GLB1: variants seen among roughly 807,000 people sequenced by gnomAD.
GLB1 encodes beta-galactosidase.
Under a neutral mutation model 74.0 loss-of-function variants are expected in GLB1, and 56 were observed. That is an observed-to-expected ratio of 0.76 (90% CI 0.61 to 0.94). The LOEUF is 0.94. GLB1 is among the 40% of genes least tolerant of loss of function. The probability of loss-of-function intolerance (pLI) is 0.00; values close to 1 mark genes in which losing one functional copy is unlikely to be tolerated. For missense variants in GLB1, 787 were observed against 845.5 expected, an observed-to-expected ratio of 0.93 and a Z score of 0.86; for synonymous variants, 323 against 323.6, an observed-to-expected ratio of 1.00 and a Z score of 0.02.
intron 9 of GLB1, among the ~76,000 whole-genome samples, chr3:33,051,527 C>T (rs1216064728): frequency 2.0e-5 from 3 of 148,724 alleles, no homozygotes; most frequent in Admixed American, 2.0e-4. Flanking sequence ...ATCCCTTGAA[C>T]CTGGGAGGTG....
At position 33,089,556 on chromosome 3, in the gene GLB1, C is replaced by T. The variant is rs544853326; in HGVS notation, c.75+7455G>A. On this transcript the variant is annotated intron_variant, in intron 1 of 15. Transcript: ENST00000307363. ...ATAAACAAAATGTGGCATGAAAATACAAGAGTATTACTGTAGTCCAGCCTT... is the reference window on the plus strand; with the variant it reads ...ATAAACAAAATGTGGCATGAAAATATAAGAGTATTACTGTAGTCCAGCCTT... Among the ~76,000 whole-genome samples, 21 of 152,158 alleles carry T rather than the reference C, an allele frequency of 1.4e-4. No homozygotes were observed. The South Asian group carries it at 4.1e-3, about 30-fold the overall frequency.
downstream of GLB1, among the ~76,000 whole-genome samples, chr3:32,994,277 T>C (rs987007084): frequency 3.3e-5 from 5 of 152,134 alleles, no homozygotes; most frequent in Admixed American, 3.3e-4. Context: ...TGCTACAACA[T>C]GGAACAAACC....
chr3:33,060,919 T>A (rs1371702023), intron 5 of GLB1, among the ~76,000 whole-genome samples: 1 of 152,054 alleles, frequency 6.6e-6, no homozygotes, highest in Non-Finnish European at 1.5e-5. Flanking sequence ...ATCTGGCATC[T>A]AGTAAGTGCT....
the GLB1 span, among the ~76,000 whole-genome samples, chr3:32,977,669 G>A: frequency 6.6e-6 from 1 of 152,170 alleles, no homozygotes; most frequent in Admixed American, 6.5e-5. Flanking sequence ...TTGGTACCAT[G>A]AATATGAGAA....
At chr3:33,037,339 C>T (rs559316679) in intron 10 of GLB1, among the ~76,000 whole-genome samples, 1 of 152,106 alleles carries the variant, frequency 6.6e-6, no homozygotes, top group African/African-American at 2.4e-5. Flanking sequence ...AGCCACCACA[C>T]CTGGCCTAAA....
chr3:33,080,099 T>TG (rs68136249), intron 1 of GLB1, among the ~76,000 whole-genome samples: 5 of 97,422 alleles, frequency 5.1e-5, no homozygotes, highest in East Asian at 4.5e-4. Context: ...ACTGTTTTTT[T>TG]TTGTTTGTTT....
Position 33,097,061 on chromosome 3 carries a change from G to A in GLB1, c.25C>T (p.Leu9Phe). Residue 9 changes from leucine to phenylalanine, a missense_variant, in exon 1 of 16, where the codon CTC becomes TTC. Transcript: ENST00000307363. MPGFLVRI[L>F]PLLLVLLLLG... ...AGCAGCAGAACCAGCAACAGAGGGA[G>A]GATGCGAACCAGGAACCCCGGCATG... 1 of 1,612,650 alleles carries A rather than the reference G, an allele frequency of 6.2e-7. No homozygotes were observed. The highest frequency in any genetic ancestry group is 8.5e-7 in the Non-Finnish European group (1 of 1,179,120).
the GLB1 span, among the ~76,000 whole-genome samples, chr3:32,982,341 C>T: frequency 6.7e-6 from 1 of 149,542 alleles, no homozygotes. Context: ...AAACTTATTT[C>T]ATAGATTATA....
At chr3:33,021,216 C>G in intron 12 of GLB1, 1 of 321,328 alleles carries the variant, frequency 3.1e-6, no homozygotes, top group Non-Finnish European at 6.0e-6. Flanking sequence ...AATAATTAAA[C>G]TGTCTGTTTT....
chr3:33,096,979 T>G (rs1469187367), intron 1 of GLB1, 32 bp downstream of exon 1: 2 of 1,608,346 alleles, frequency 1.2e-6, no homozygotes, highest in Non-Finnish European at 1.7e-6. Flanking sequence ...CCCCTAGCAA[T>G]GCCTCCCCGT....
rs534600396 is a variant in GLB1, at chr3:33,067,728, G to A, written c.457+502C>T. Among the ~76,000 whole-genome samples, 6 of 152,306 alleles carry A rather than the reference G, an allele frequency of 3.9e-5. No homozygotes were observed. The South Asian group carries it at 6.2e-4, about 16-fold the overall frequency. ...CAGTTTATCAGTAAGATCTGGTTAC[G>A]TAGTTCAAAGCCTAATTTCCTAGAG... is the stretch of plus-strand genomic sequence containing the variant. On this transcript the variant is annotated intron_variant, in intron 4 of 15. Transcript: ENST00000307363.
chr3:33,081,648 G>A lies in GLB1; in HGVS notation c.76-8935C>T, dbSNP rs114331771. On this transcript the variant is annotated intron_variant, in intron 1 of 15. Transcript: ENST00000307363. ...TGCAGGCAAGGGGCGCCCTAGTGTC[G>A]CTGGGGATGATGAGGTTCTGGCATA... Among the ~76,000 whole-genome samples, 1,066 of 152,312 alleles carry A rather than the reference G, an allele frequency of 7.0e-3. 17 individuals are homozygous for A. Among genetic ancestry groups the A allele is most frequent in the African/African-American group, 0.024 (1,004 of 41,564 alleles).
At chr3:33,029,955 A>AG (rs911762657) in intron 10 of GLB1, 3 of 111,774 alleles carry the variant, frequency 2.7e-5, no homozygotes, top group Middle Eastern at 4.5e-3. Flanking sequence ...CTAAAAGTTA[A>AG]GAAAAAAAAA....
At chr3:32,963,972 G>A in the GLB1 span, among the ~76,000 whole-genome samples, 6 of 152,188 alleles carry the variant, frequency 3.9e-5, no homozygotes, top group South Asian at 2.1e-4. Context: ...TTGAGCATGC[G>A]GATGTCATCC....
the GLB1 span, among the ~76,000 whole-genome samples, chr3:32,990,948 T>C: frequency 6.6e-6 from 1 of 152,104 alleles, no homozygotes; most frequent in African/African-American, 2.4e-5. Context: ...CACTCCAGCC[T>C]GGGCGACAGA....
chr3:33,039,443 T>TA (rs775271464), intron 10 of GLB1, among the ~76,000 whole-genome samples: 1 of 152,174 alleles, frequency 6.6e-6, no homozygotes, highest in Non-Finnish European at 1.5e-5. Context: ...AAACAATTTT[T>TA]AAAATCTAAT....
intron 3 of GLB1, among the ~76,000 whole-genome samples, 187 bp downstream of exon 3, chr3:33,068,633 A>C (rs777480273): frequency 1.3e-5 from 2 of 151,536 alleles, no homozygotes; most frequent in Non-Finnish European, 2.9e-5. Context: ...CCAAGAGGAG[A>C]GCCCATGCCC....
downstream of GLB1, among the ~76,000 whole-genome samples, chr3:32,995,191 CGCTGATGAG>C (rs1559373640): frequency 2.2e-4 from 33 of 152,248 alleles, no homozygotes; most frequent in African/African-American, 7.2e-4. Context: ...CAAGTGTACA[CGCTGATGAG>C]GCAACCACAC....
chr3:33,014,359 G>T (rs1559382471), intron 14 of GLB1, 49 bp from the exon 15 acceptor site: 2 of 1,603,194 alleles, frequency 1.2e-6, no homozygotes, highest in African/African-American at 1.3e-5. Flanking sequence ...AAGGAAAAAG[G>T]CTTCACATGT....
Sources: gnomAD v4.1 joint callset for allele counts (sites outside exome capture counted in the v4.1 genomes callset) on GRCh38, gnomAD v4.1.1 for gene constraint, MANE v1.5 for transcripts, NCBI Gene and HGNC (gene_info 2026-07-23, HGNC 2026-07-21) for gene names.